GYS2: variants seen among roughly 807,000 people sequenced by gnomAD.
The protein encoded by GYS2 is glycogen synthase 2, also known as glycogen [starch] synthase, liver.
In GYS2, 80 loss-of-function variants were observed where a neutral mutation model predicts 85.6. The ratio of observed to expected loss-of-function variants is 0.93; its 90% CI spans 0.78 to 1.13. The LOEUF (loss-of-function observed/expected upper bound fraction) is 1.13, where lower values mean the gene tolerates loss of function less well. Among genes scored for constraint, GYS2 ranks in the 50% most tolerant of loss-of-function variants. The probability of loss-of-function intolerance (pLI) is 0.00; values close to 1 mark genes in which losing one functional copy is unlikely to be tolerated. For synonymous variants in GYS2, 328 were observed against 300.7 expected (o/e 1.09, Z -0.94); for missense variants, 881 against 854.9 (o/e 1.03, Z -0.38).
intron 15 of GYS2, chr12:21,537,514 A>G: frequency 3.1e-6 from 1 of 318,724 alleles, no homozygotes; most frequent in South Asian, 3.1e-5. Flanking sequence ...ATCACTCAGC[A>G]CATAAATGGT....
chr12:21,535,817 C>G (rs1474786624), downstream of GYS2, among the ~76,000 whole-genome samples: 1 of 152,152 alleles, frequency 6.6e-6, no homozygotes, highest in Non-Finnish European at 1.5e-5. Context: ...TGAATAACTA[C>G]TTAGTTAGCA....
At chr12:21,585,703 T>C (rs1308422244) in intron 1 of GYS2, among the ~76,000 whole-genome samples, 3 of 152,214 alleles carry the variant, frequency 2.0e-5, no homozygotes, top group South Asian at 4.1e-4. Flanking sequence ...GTAATTGTCA[T>C]GAGTATTTCC....
chr12:21,583,593 A>G (rs1214773479), intron 1 of GYS2, among the ~76,000 whole-genome samples: 1 of 152,210 alleles, frequency 6.6e-6, no homozygotes, highest in African/African-American at 2.4e-5. Flanking sequence ...TGTTTGGAGC[A>G]TTTGGCAGGC....
At chr12:21,592,738 A>G (rs943247050) in intron 1 of GYS2, among the ~76,000 whole-genome samples, 6 of 152,084 alleles carry the variant, frequency 3.9e-5, no homozygotes, top group Non-Finnish European at 7.4e-5. Flanking sequence ...ATCTAGACAG[A>G]AAATTAACAA....
chr12:21,571,162 G>A (rs1944380386), intron 4 of GYS2, among the ~76,000 whole-genome samples: 2 of 152,214 alleles, frequency 1.3e-5, no homozygotes, highest in Admixed American at 1.3e-4. Context: ...GACCCCGTGA[G>A]AGGCCTTGGG....
chr12:21,571,013 A>T (rs1944378670), intron 4 of GYS2, among the ~76,000 whole-genome samples: 1 of 152,238 alleles, frequency 6.6e-6, no homozygotes, highest in African/African-American at 2.4e-5. Flanking sequence ...ATTATTAATT[A>T]TTATTATTGT....
At chr12:21,542,743 T>G in intron 12 of GYS2, 152 bp from the exon 13 acceptor site, 1 of 686,350 alleles carries the variant, frequency 1.5e-6, no homozygotes, top group Non-Finnish European at 2.7e-6. Context: ...TCTCACTAAC[T>G]TATTTAATCT....
chr12:21,569,149 A>T (rs1242624830), intron 4 of GYS2, 140 bp from the exon 5 acceptor site: 2 of 766,038 alleles, frequency 2.6e-6, no homozygotes, highest in African/African-American at 3.5e-5. Context: ...TAAAAACTTG[A>T]ATTAAACCCA....
intron 1 of GYS2, among the ~76,000 whole-genome samples, chr12:21,584,333 T>A (rs1944548851): frequency 1.4e-5 from 2 of 141,492 alleles, no homozygotes; most frequent in Non-Finnish European, 3.1e-5. Flanking sequence ...TGGACCTCTA[T>A]GATTAGTCAA....
chr12:21,533,261 G>A (rs947215379), downstream of GYS2, among the ~76,000 whole-genome samples: 4 of 152,050 alleles, frequency 2.6e-5, no homozygotes, highest in East Asian at 1.9e-4. Context: ...AGTTGCCTTC[G>A]CTCCCTCAAT....
chr12:21,542,454 G>A (rs930731685), intron 13 of GYS2, 42 bp downstream of exon 13: 7 of 1,209,044 alleles, frequency 5.8e-6, no homozygotes, highest in Non-Finnish European at 8.6e-6. Context: ...TTTGGTTAGA[G>A]GTCATGTCTC....
chr12:21,563,468 T>C (rs1944280513), intron 5 of GYS2, 123 bp from the exon 6 acceptor site: 6 of 624,634 alleles, frequency 9.6e-6, no homozygotes, highest in African/African-American at 7.4e-5. Flanking sequence ...CTGACTACCA[T>C]AAAATTTAAA....
chr12:21,543,056 C>T (rs1363424901), intron 12 of GYS2, among the ~76,000 whole-genome samples: 2 of 152,160 alleles, frequency 1.3e-5, no homozygotes, highest in Non-Finnish European at 2.9e-5. Context: ...ATTTAAATCT[C>T]CCTTGGCACA....
intron 11 of GYS2, among the ~76,000 whole-genome samples, chr12:21,548,152 T>C (rs932201265): frequency 6.6e-6 from 1 of 152,202 alleles, no homozygotes; most frequent in Non-Finnish European, 1.5e-5. Flanking sequence ...ACTTCATGAG[T>C]TCATCAGTAA....
At chr12:21,579,349 CTTTTTTTTT>C (rs58750123) in intron 2 of GYS2, among the ~76,000 whole-genome samples, 1 of 88,698 alleles carries the variant, frequency 1.1e-5, no homozygotes, top group Non-Finnish European at 2.3e-5. Flanking sequence ...CTTACTTCTT[CTTTTTTTTT>C]TTTTTTTTTT....
rs766454652 is a variant in GYS2, at chr12:21,546,417, G to A, written c.1476C>T (p.Asp492=). ...GACAACCTCTAACAAACTCTTCATA[G>A]TCCATGGGTAGTAAGGGACTGGTGG... The part of the protein sequence containing the change: ...LSSTSPLLPM[D]YEEFVRGCHL... Residue 492 remains aspartate (D), a synonymous_variant, in exon 12 of 16, where the codon GAC becomes GAT. Transcript: ENST00000261195. 2 of 1,596,624 alleles carry A rather than the reference G, an allele frequency of 1.3e-6. No homozygotes were observed. Among genetic ancestry groups the A allele is most frequent in the Non-Finnish European group, 1.7e-6 (2 of 1,164,782 alleles).
chr12:21,567,224 G>A lies in GYS2; in HGVS notation c.823+1641C>T, dbSNP rs1055011748. Among the ~76,000 whole-genome samples the A allele has an allele frequency of 6.6e-5, 10 of 152,286 alleles. No homozygotes were observed. In the South Asian group the frequency reaches 1.0e-3, roughly 16 times the overall value. On this transcript the variant is annotated intron_variant, in intron 5 of 15. Coordinates refer to ENST00000261195, the MANE Select transcript of GYS2 (RefSeq NM_021957.4). ...TAGCAATTATGGTTTACTCTTATAA[G>A]ATATTTGGCAGCAGGAGAAAGGAGG...
intron 5 of GYS2, among the ~76,000 whole-genome samples, chr12:21,565,864 G>A (rs925714383): frequency 2.0e-5 from 3 of 151,954 alleles, no homozygotes; most frequent in South Asian, 2.1e-4. Context: ...AAAGAAAAAC[G>A]TTGACTAAAG....
At chr12:21,537,330 C>G (rs1045889092) in intron 15 of GYS2, 155 bp from the exon 16 acceptor site, 7 of 669,852 alleles carry the variant, frequency 1.0e-5, no homozygotes, top group South Asian at 1.7e-5. Context: ...TTTGATACCA[C>G]CAATCTCAAG....
Sources: allele counts gnomAD v4.1 joint callset (sites outside exome capture counted in the v4.1 genomes callset), GRCh38; gene constraint gnomAD v4.1.1; transcripts MANE v1.5; gene names NCBI Gene and HGNC (gene_info 2026-07-23, HGNC 2026-07-21).